Variants in HSPG2 observed in about 807,000 individuals in gnomAD.
HSPG2 encodes the protein heparan sulfate proteoglycan 2, also known as basement membrane-specific heparan sulfate proteoglycan core protein.
In HSPG2, 278 loss-of-function variants were observed where a neutral mutation model predicts 526.6. The observed-to-expected ratio is 0.53, with a 90% CI of 0.48 to 0.58. HSPG2 has a LOEUF of 0.58. HSPG2 is among the 20% of genes least tolerant of loss of function. HSPG2 has a pLI of 0.00. For missense variants in HSPG2, 5,354 were observed against 6,099.5 expected, an observed-to-expected ratio of 0.88 and a Z score of 4.07; for synonymous variants, 2,465 against 2,555.4, an observed-to-expected ratio of 0.96 and a Z score of 1.07.
chr1:21,881,259 CTTG>C, intron 14 of HSPG2, 77 bp downstream of exon 14: 4 of 1,533,036 alleles, frequency 2.6e-6, no homozygotes, highest in African/African-American at 1.4e-5. Context: ...CCAAGTCTGC[CTTG>C]TTGTCCACCA....
intron 44 of HSPG2, 132 bp downstream of exon 44, chr1:21,856,883 A>G: frequency 2.1e-6 from 2 of 958,482 alleles, no homozygotes; most frequent in Non-Finnish European, 3.4e-6. Flanking sequence ...CTGCTTCTGC[A>G]GAGCCTAGAC....
chr1:21,847,777 G>T lies in HSPG2; in HGVS notation c.7937C>A (p.Thr2646Asn). 3.7e-6 allele frequency: 6 copies of T among 1,613,774 alleles called. No homozygotes were observed. The highest frequency in any genetic ancestry group is 1.1e-5 in the South Asian group (1 of 91,066). Residue 2646 changes from threonine to asparagine, a missense_variant, in exon 61 of 97, where the codon ACC (threonine) becomes AAC (asparagine). Coordinates refer to ENST00000374695, the MANE Select transcript of HSPG2 (RefSeq NM_005529.7). This position sits in a 1 kb window ranked among gnomAD's most constrained non-coding sequence, Gnocchi z 4.1. ...GGCGACCACGCAGTTCAGATCCAAG[G>T]TCTGCCCTTCCACCACCGTGGGGGA... ...SSSPTVVEGQ[T>N]LDLNCVVARQ...
At position 21,864,858 on chromosome 1, in the gene HSPG2, G is replaced by T. The variant is rs139495842; in HGVS notation, c.4611C>A (p.Ile1537=). ...ACACACTCACCTGGCAGGACAGACC[G>T]ATGTAGCCTGGCGGGCAGCGGCACT... ...VEECRCPPGY[I]GLSCQDCAPG... The change falls in exon 36 of 97, where the codon ATC becomes ATA. Residue 1537 remains isoleucine, a synonymous_variant. Coordinates refer to ENST00000374695, the MANE Select transcript of HSPG2 (RefSeq NM_005529.7). This position sits in a 1 kb window ranked among gnomAD's most constrained non-coding sequence, Gnocchi z 4.8. The T allele has an allele frequency of 6.2e-7, 1 of 1,610,110 alleles. No homozygotes were observed. The highest frequency in any genetic ancestry group is 1.7e-5 in the Admixed American group (1 of 59,858).
In HSPG2 at chr1:21,890,053, C is replaced by CT; in HGVS notation, c.501_502insA (p.Val168SerfsTer44). On this transcript the variant is annotated frameshift_variant, in exon 6 of 97. Coordinates refer to ENST00000374695, the MANE Select transcript of HSPG2 (RefSeq NM_005529.7). LOFTEE classifies it high-confidence loss of function. The surrounding 1 kb of genome is among the most constrained non-coding windows in gnomAD (Gnocchi z 4.1). ...GAGGCCACAGAGCCGCTGGAGATGA[C>CT]CCTGAGCAGCATCTCCTGAATCTGA... 1 of 1,613,832 alleles carries CT rather than the reference C, an allele frequency of 6.2e-7. No homozygotes were observed. Among genetic ancestry groups the CT allele is most frequent in the African/African-American group, 1.3e-5 (1 of 75,006 alleles).
At position 21,873,050 on chromosome 1, in the gene HSPG2, G is replaced by A; in HGVS notation, c.3835C>T (p.Pro1279Ser). The A allele has an allele frequency of 1.9e-6, 3 of 1,604,586 alleles. No individual in the cohort carries two copies. The highest frequency in any genetic ancestry group is 2.5e-6 in the Non-Finnish European group (3 of 1,179,970). The part of the protein sequence containing the change: ...VPGPIGCNCD[P>S]QGSVSSQCDA... ...CACTGGCTGCTGACGCTGCCTTGGGGGTCACAGTTGCAGCCTATGGGCCCT... is the reference window on the plus strand; with the variant it reads ...CACTGGCTGCTGACGCTGCCTTGGGAGTCACAGTTGCAGCCTATGGGCCCT... Residue 1279 changes from proline (P) to serine (S), a missense_variant, in exon 31 of 97, where the codon CCC becomes TCC. Transcript: ENST00000374695.
chr1:21,842,089 C>T lies in HSPG2; in HGVS notation c.9106G>A (p.Gly3036Ser). The change falls in exon 69 of 97, where the codon GGC (glycine) becomes AGC (serine). Residue 3036 changes from glycine to serine, a missense_variant. Coordinates refer to ENST00000374695, the MANE Select transcript of HSPG2 (RefSeq NM_005529.7). ...IDPPSSTVQQ[G>S]QDASFKCLIH... ...AGGCACTTGAAGCTGGCATCCTGGC[C>T]CTGCTGCACGGTGCTGCTGGGCGGG... 6.2e-7 allele frequency: 1 copy of T among 1,613,660 alleles called. No homozygotes were observed. Among genetic ancestry groups the T allele is most frequent in the Non-Finnish European group, 8.5e-7 (1 of 1,180,008 alleles).
intron 1 of HSPG2, among the ~76,000 whole-genome samples, chr1:21,931,229 G>T (rs1047840627): frequency 6.6e-6 from 1 of 152,252 alleles, no homozygotes; most frequent in Non-Finnish European, 1.5e-5. Context: ...CCCCTCTCAA[G>T]GCTGCTATTG....
rs749956865 is a variant in HSPG2, at chr1:21,880,676, G to A, written c.1978C>T (p.Arg660Cys). 20 of 1,596,356 alleles carry A rather than the reference G, an allele frequency of 1.3e-5. No individual in the cohort carries two copies. Among genetic ancestry groups the A allele is most frequent in the Admixed American group, 5.3e-5 (3 of 57,014 alleles). Reference sequence around the variant, plus strand: ...CCCACCTCAGAGAACTGGACCTGGCGCTGGTTCAGAGCACCAGGTTGGGTG... The same window carrying A: ...CCCACCTCAGAGAACTGGACCTGGCACTGGTTCAGAGCACCAGGTTGGGTG... ...TPTQPGALNQ[R>C]QVQFSEEHWV... The change falls in exon 15 of 97, where the codon CGC becomes TGC. Residue 660 changes from arginine to cysteine, a missense_variant. By Grantham distance (180) the Arg-to-Cys change is radical. Coordinates refer to ENST00000374695, the MANE Select transcript of HSPG2 (RefSeq NM_005529.7).
In HSPG2 at chr1:21,864,588, C is replaced by T. The variant is rs1004886842; in HGVS notation, c.4626+255G>A. ...GCTAGGCTTTGGAGTCAATCAGACC[C>T]AGGTTCAAATTAGTTTCTGCCACAC... On this transcript the variant is annotated intron_variant, in intron 36 of 96. Transcript: ENST00000374695. The surrounding 1 kb of genome is among the most constrained non-coding windows in gnomAD (Gnocchi z 4.8). Among the ~76,000 whole-genome samples the T allele has an allele frequency of 6.6e-6, 1 of 152,208 alleles. No individual in the cohort carries two copies. The highest frequency in any genetic ancestry group is 2.4e-5 in the African/African-American group (1 of 41,452).
At chr1:21,850,317 CT>C (rs1393457799) in intron 56 of HSPG2, 45 bp downstream of exon 56, 1 of 1,604,124 alleles carries the variant, frequency 6.2e-7, no homozygotes, top group Non-Finnish European at 8.5e-7. Context: ...AGTGGGGGGC[CT>C]CCCACCCTGG....
chr1:21,835,446 G>A lies in HSPG2; in HGVS notation c.10453+94C>T, dbSNP rs1254186309. ...TCTCTTTATTCTGACACATTTAGGG[G>A]GATTCCTAGGGAACAGGGTCTGGGC... On this transcript the variant is annotated intron_variant, in intron 76 of 96. Transcript: ENST00000374695. 5 of 823,230 alleles carry A rather than the reference G, an allele frequency of 6.1e-6. No homozygotes were observed. The African/African-American group carries it at 8.3e-5, about 14-fold the overall frequency. The allele number at this position is 823,230 out of a possible 1,614,324, so 51.0% of individuals were successfully genotyped here. A position where few individuals can be genotyped will look rare whatever the true frequency, so the allele number is the denominator to read the frequency against.
chr1:21,884,496 C>A (rs1641730659), intron 13 of HSPG2, 32 bp downstream of exon 13: 3 of 1,610,606 alleles, frequency 1.9e-6, no homozygotes, highest in South Asian at 2.2e-5. Flanking sequence ...CACCTCCCAC[C>A]TCCCGCAGCG....
intron 91 of HSPG2, among the ~76,000 whole-genome samples, chr1:21,827,153 A>G (rs2097979590): frequency 6.6e-6 from 1 of 152,136 alleles, no homozygotes; most frequent in South Asian, 2.1e-4. Context: ...GGTTGCAGTG[A>G]GCCGAGATTG....
In HSPG2 at chr1:21,858,721, T is replaced by C. The variant is rs1639537082; in HGVS notation, c.5293+845A>G. ...ACTTCTGCCAGCCACTGCACTTCTT[T>C]GCATTGAGGGCTTTCTCAGGCCACT... On this transcript the variant is annotated intron_variant, in intron 42 of 96. Transcript: ENST00000374695. This position sits in a 1 kb window ranked among gnomAD's most constrained non-coding sequence, Gnocchi z 4.2. Among the ~76,000 whole-genome samples the C allele has an allele frequency of 1.3e-5, 2 of 152,224 alleles. No homozygotes were observed. Among genetic ancestry groups the C allele is most frequent in the Admixed American group, 1.3e-4 (2 of 15,290 alleles).
chr1:21,936,577 G>T (rs970345667), intron 1 of HSPG2, among the ~76,000 whole-genome samples: 3 of 152,216 alleles, frequency 2.0e-5, no homozygotes, highest in African/African-American at 7.2e-5. Flanking sequence ...GTTACTCAGT[G>T]AAAGGCAGGG....
At position 21,847,968 on chromosome 1, in the gene HSPG2, A is replaced by G; in HGVS notation, c.7863T>C (p.Gly2621=). 1.2e-6 allele frequency: 2 copies of G among 1,613,634 alleles called. No individual in the cohort carries two copies. Among genetic ancestry groups the G allele is most frequent in the African/African-American group, 1.3e-5 (1 of 74,950 alleles). ...CCTCTCTGCTCTCACCGTGGGAGGAACCGCTGCCCTGGATGGTGACGATGA... is the reference window on the plus strand; with the variant it reads ...CCTCTCTGCTCTCACCGTGGGAGGAGCCGCTGCCCTGGATGGTGACGATGA... ...TSLIVTIQGS[G]SSHVPSVSPP... is the part of the protein sequence containing the mutation. Residue 2621 remains glycine, a synonymous_variant, in exon 60 of 97, where the codon GGT becomes GGC. Coordinates refer to ENST00000374695, the MANE Select transcript of HSPG2 (RefSeq NM_005529.7). The surrounding 1 kb of genome is among the most constrained non-coding windows in gnomAD (Gnocchi z 4.1).
At position 21,896,250 on chromosome 1, in the gene HSPG2, T is replaced by C. The variant is rs1642739349; in HGVS notation, c.124A>G (p.Thr42Ala). 6.2e-7 allele frequency: 1 copy of C among 1,613,974 alleles called. No homozygotes were observed. Among genetic ancestry groups the C allele is most frequent in the Admixed American group, 1.7e-5 (1 of 60,012 alleles). The change falls in exon 2 of 97, where the codon ACA becomes GCA. Residue 42 changes from threonine (T) to alanine (A), a missense_variant. By Grantham distance (58) the Thr-to-Ala change is moderately conservative. Transcript: ENST00000374695. ...LSLPEDIETV[T>A]ASQMRWTHSY... The stretch of plus-strand genomic sequence containing the variant: ...TGTGTCCAGCGCATTTGGCTTGCTG[T>C]GACGGTCTCTATGTCCTCAGGCAGA...
At position 21,880,359 on chromosome 1, in the gene HSPG2, G is replaced by T. The variant is rs1641399279; in HGVS notation, c.2195+4C>A. The T allele has an allele frequency of 1.9e-6, 3 of 1,614,006 alleles. No homozygotes were observed. Among genetic ancestry groups the T allele is most frequent in the Non-Finnish European group, 2.5e-6 (3 of 1,180,026 alleles). On this transcript the variant is annotated splice_donor_region_variant and intron_variant, in intron 16 of 96. Coordinates refer to ENST00000374695, the MANE Select transcript of HSPG2 (RefSeq NM_005529.7). ...GTGGTTCCCAGCCCTGCCGGCTCAG[G>T]CACCTGCACTCCTCCACACTGTGGG... is the stretch of plus-strand genomic sequence containing the variant.
chr1:21,894,500 C>G (rs1052429206), intron 3 of HSPG2, among the ~76,000 whole-genome samples: 1 of 152,172 alleles, frequency 6.6e-6, no homozygotes, highest in Admixed American at 6.5e-5. Context: ...CCTGGAGGGT[C>G]TGAGGCCCCA....
Sources: gnomAD v4.1 joint callset for allele counts (sites outside exome capture counted in the v4.1 genomes callset) on GRCh38, gnomAD v4.1.1 for gene constraint, Gnocchi (gnomAD v3.1) non-coding constraint, MANE v1.5 for transcripts, NCBI Gene and HGNC (gene_info 2026-07-23, HGNC 2026-07-21) for gene names.